SPTBN5: variants seen among roughly 807,000 people sequenced by gnomAD.
SPTBN5 encodes the protein spectrin beta, non-erythrocytic 5.
A neutral mutation model predicts 477.6 loss-of-function variants in SPTBN5; 513 were observed. The observed-to-expected ratio is 1.07, with a 90% CI of 1.00 to 1.16. SPTBN5 has a LOEUF of 1.16. Ranked by LOEUF, SPTBN5 falls within the 50% of genes most tolerant of loss-of-function variation. The pLI is 0.00. For synonymous variants in SPTBN5, 2,169 were observed against 2,011.7 expected (o/e 1.08, Z -2.09); for missense variants, 5,062 against 4,731.8 (o/e 1.07, Z -2.05).
chr15:41,855,687 A>C lies in SPTBN5; in HGVS notation c.9080T>G (p.Met3027Arg), dbSNP rs754396835. 373 of 1,602,818 alleles carry C rather than the reference A, an allele frequency of 2.3e-4. 1 individual carries two copies. Among genetic ancestry groups the C allele is most frequent in the Middle Eastern group, 1.5e-3 (9 of 6,064 alleles). ...ERGHVLDSED[M>R]GHSAEATQAL... ...CTGTGTGGCTTCAGCACTGTGGCCCATGTCCTCGCTGTCCAGGACATGGCC... is the reference window on the plus strand; with the variant it reads ...CTGTGTGGCTTCAGCACTGTGGCCCCTGTCCTCGCTGTCCAGGACATGGCC... Residue 3027 changes from methionine (M) to arginine (R), a missense_variant, in exon 54 of 68, where the codon ATG becomes AGG. Transcript: ENST00000320955.
rs779885119 is a variant in SPTBN5 at position 41,861,906 on chromosome 15, C to T, written c.7566G>A (p.Trp2522Ter). The part of the protein sequence containing the change: ...HQECKAELDS[W>*]TDSISLARST... ...TTCGGGCCAGGCTGATGCTGTCTGT[C>T]CAGGAGTCCAGCTCGGCCTGGAACA... is the stretch of plus-strand genomic sequence containing the variant. The change falls in exon 45 of 68, where the codon TGG (tryptophan) becomes TGA (stop). Residue 2522 changes from tryptophan to a stop codon, truncating the protein, a stop_gained. Transcript: ENST00000320955. LOFTEE classifies it high-confidence loss of function. 4 of 1,604,724 alleles carry T rather than the reference C, an allele frequency of 2.5e-6. No individual in the cohort carries two copies. Among genetic ancestry groups the T allele is most frequent in the Non-Finnish European group, 3.4e-6 (4 of 1,178,382 alleles).
Position 41,882,751 on chromosome 15 carries a change from A to T in SPTBN5, c.1893-13T>A. 6.2e-7 allele frequency: 1 copy of T among 1,605,238 alleles called. No homozygotes were observed. The highest frequency in any genetic ancestry group is 8.5e-7 in the Non-Finnish European group (1 of 1,175,928). On this transcript the variant is annotated splice_polypyrimidine_tract_variant and intron_variant, in intron 9 of 67. Coordinates refer to ENST00000320955, the MANE Select transcript of SPTBN5 (RefSeq NM_016642.4). The stretch of plus-strand genomic sequence containing the variant: ...CAGCAGGGCCCGCCTGAGGGACAAT[A>T]GGGGCCACCGAAGGACATGGGGAGT...
intron 6 of SPTBN5, 121 bp from the exon 7 acceptor site, chr15:41,886,487 T>C (rs535794527): frequency 1.8e-5 from 21 of 1,170,990 alleles, no homozygotes; most frequent in African/African-American, 4.6e-5. Context: ...AAAGATGCTT[T>C]GAAGTGGTGG....
At chr15:41,864,799 C>T (rs927882653) in intron 39 of SPTBN5, among the ~76,000 whole-genome samples, 12 of 152,186 alleles carry the variant, frequency 7.9e-5, no homozygotes, top group African/African-American at 1.9e-4. Flanking sequence ...GGGGGTCCAC[C>T]GCAGGGTGTG....
intron 39 of SPTBN5, among the ~76,000 whole-genome samples, 174 bp downstream of exon 39, chr15:41,865,634 C>CA (rs1325199748): frequency 6.6e-6 from 1 of 152,248 alleles, no homozygotes; most frequent in Non-Finnish European, 1.5e-5. Context: ...GTGCTACCCC[C>CA]ATTCTAAAGA....
chr15:41,862,031 C>A, intron 44 of SPTBN5, 99 bp downstream of exon 44: 1 of 1,509,650 alleles, frequency 6.6e-7, no homozygotes, highest in Non-Finnish European at 8.9e-7. Context: ...ATAGGCAGGG[C>A]GGGACACTCA....
Position 41,876,275 on chromosome 15 carries a change from G to A in SPTBN5, c.3961C>T (p.Gln1321Ter). ...LASLQLQEWKQDVAELMQWME... is the reference protein window; with the variant it reads ...LASLQLQEWK ...CACTGCATCAGCTCTGCCACATCCT[G>A]CTTCCACTCCTGCCAAGAACCAGGC... Residue 1321 changes from glutamine (Q) to a stop codon, truncating the protein, a stop_gained, in exon 21 of 68, where the codon CAG (glutamine) becomes TAG (stop). Coordinates refer to ENST00000320955, the MANE Select transcript of SPTBN5 (RefSeq NM_016642.4). LOFTEE classifies it high-confidence loss of function. 1 of 1,568,700 alleles carries A rather than the reference G, an allele frequency of 6.4e-7. No individual in the cohort carries two copies. Among genetic ancestry groups the A allele is most frequent in the South Asian group, 1.1e-5 (1 of 88,024 alleles).
In SPTBN5 at chr15:41,856,617, G is replaced by A. The variant is rs750933932; in HGVS notation, c.8809-19C>T. On this transcript the variant is annotated intron_variant, in intron 52 of 67. Coordinates refer to ENST00000320955, the MANE Select transcript of SPTBN5 (RefSeq NM_016642.4). ...CCAGGTTCTGCGGGGGAGGAGGCAG[G>A]AGGATGCGGATGTTGCTGACCCTTG... is the stretch of plus-strand genomic sequence containing the variant. 1 of 1,556,480 alleles carries A rather than the reference G, an allele frequency of 6.4e-7. No individual in the cohort carries two copies. The highest frequency in any genetic ancestry group is 8.6e-7 in the Non-Finnish European group (1 of 1,156,878).
At chr15:41,856,658 T>C in intron 52 of SPTBN5, 60 bp from the exon 53 acceptor site, 1 of 1,472,586 alleles carries the variant, frequency 6.8e-7, no homozygotes, top group Non-Finnish European at 9.1e-7. Flanking sequence ...CTCCCACAGT[T>C]GTGCTTGAAG....
At chr15:41,850,641 G>T (rs192977604) in intron 66 of SPTBN5, 7 of 574,108 alleles carry the variant, frequency 1.2e-5, no homozygotes, top group African/African-American at 3.7e-5. Context: ...TTCAAAACTG[G>T]CCCCATCTCT....
intron 35 of SPTBN5, 69 bp downstream of exon 35, chr15:41,867,469 G>A (rs945402818): frequency 1.0e-5 from 15 of 1,456,434 alleles, no homozygotes; most frequent in Middle Eastern, 1.7e-4. Context: ...CAAGCGCCCC[G>A]TGACCCCCTT....
intron 63 of SPTBN5, among the ~76,000 whole-genome samples, 189 bp downstream of exon 63, chr15:41,851,590 T>G (rs199704198): frequency 0.16 from 7,655 of 46,520 alleles, 11 homozygotes; most frequent in African/African-American, 0.18. Context: ...CTGGTGGGGG[T>G]GGGTAGGTGG....
rs369067661 is a variant in SPTBN5, at chr15:41,873,838, A to G, written c.4890+7T>C. 2.2e-5 allele frequency: 35 copies of G among 1,609,384 alleles called. No homozygotes were observed. Among genetic ancestry groups the G allele is most frequent in the African/African-American group, 2.7e-5 (2 of 74,920 alleles). On this transcript the variant is annotated splice_region_variant and intron_variant, in intron 25 of 67. Transcript: ENST00000320955. ...TCTTCCCCCAACCCCACCTCTCTGC[A>G]TCCTACCTGCTGGAAAGTGACAGCC...
chr15:41,874,261 G>A (rs944532733), intron 24 of SPTBN5, 31 bp downstream of exon 24: 11 of 1,587,668 alleles, frequency 6.9e-6, no homozygotes, highest in East Asian at 2.2e-5. Context: ...AGCGGATGTC[G>A]GTAATCCTGT....
intron 12 of SPTBN5, 123 bp from the exon 13 acceptor site, chr15:41,881,357 TGGGACATGGGTCTGG>T (rs2066946348): frequency 1.3e-6 from 1 of 752,250 alleles, no homozygotes; most frequent in African/African-American, 1.8e-5. Flanking sequence ...AAAGGGTGTG[TGGGACATGGGTCTGG>T]GGGACAGGAA....
Position 41,872,381 on chromosome 15 carries a change from C to G in SPTBN5, c.5086G>C (p.Glu1696Gln), listed in dbSNP as rs759651408. Residue 1696 changes from glutamate (E) to glutamine (Q), a missense_variant, in exon 27 of 68, where the codon GAA becomes CAA. By Grantham distance (29) the Glu-to-Gln change is conservative. Transcript: ENST00000320955. ...ACCACACGCTGCTGCTCAGGGACTT[C>G]GGGGCCAGTGAGGGTTTGGGCCGTC... ...DQTAQTLTGPEVPEQQRVVQE... is the reference protein window; with the variant it reads ...DQTAQTLTGPQVPEQQRVVQE... The G allele has an allele frequency of 4.3e-6, 7 of 1,609,536 alleles. No homozygotes were observed. The South Asian group carries it at 6.7e-5, about 15-fold the overall frequency.
chr15:41,868,150 T>A lies in SPTBN5; in HGVS notation c.6126A>T (p.Gln2042His). The change falls in exon 34 of 68, where the codon CAA becomes CAT. Residue 2042 changes from glutamine (Q) to histidine (H), a missense_variant. Gln to His is a conservative substitution (Grantham distance 24). Transcript: ENST00000320955. ...DQVYQTWARK[Q>H]ERLQAEQQEQ... ...CCTGCTGCTCGGCCTGCAGCCTCTC[T>A]TGCTTCCGTGCCCAGGTCTGATACA... is the stretch of plus-strand genomic sequence containing the variant. 6.3e-7 allele frequency: 1 copy of A among 1,592,556 alleles called. No individual in the cohort carries two copies.
chr15:41,850,277 G>C, intron 66 of SPTBN5: 2 of 363,032 alleles, frequency 5.5e-6, no homozygotes, highest in Non-Finnish European at 1.0e-5. Context: ...CTTGGGAGGA[G>C]AGTCCAGGGG....
Position 41,852,325 on chromosome 15 carries a change from G to A in SPTBN5, c.10450-9C>T. The A allele has an allele frequency of 6.5e-7, 1 of 1,546,426 alleles. No individual in the cohort carries two copies. Among genetic ancestry groups the A allele is most frequent in the Non-Finnish European group, 8.8e-7 (1 of 1,141,520 alleles). ...AGGAGCTCCTGTTCCATCTTGGGGA[G>A]TGGGCAAGGTGGGCAAGGTGAGCCA... On this transcript the variant is annotated splice_polypyrimidine_tract_variant and intron_variant, in intron 61 of 67. Coordinates refer to ENST00000320955, the MANE Select transcript of SPTBN5 (RefSeq NM_016642.4).
Sources: gnomAD v4.1 joint callset for allele counts (sites outside exome capture counted in the v4.1 genomes callset) on GRCh38, gnomAD v4.1.1 for gene constraint, MANE v1.5 for transcripts, NCBI Gene and HGNC (gene_info 2026-07-23, HGNC 2026-07-21) for gene names.